Variants in CNBD1 observed in about 807,000 individuals in gnomAD.
CNBD1 encodes cyclic nucleotide binding domain containing 1.
Under a neutral mutation model 54.4 loss-of-function variants are expected in CNBD1, and 71 were observed. The observed-to-expected ratio is 1.30, with a 90% CI of 1.08 to 1.59. The LOEUF (loss-of-function observed/expected upper bound fraction) is 1.59. CNBD1 is among the 40% of genes most tolerant of loss of function. The pLI, the probability that CNBD1 is intolerant of heterozygous loss-of-function variation, is 0.00. For synonymous variants in CNBD1, 182 were observed against 170.7 expected (o/e 1.07, Z -0.51); for missense variants, 659 against 518.0 (o/e 1.27, Z -2.64).
intron 8 of CNBD1, among the ~76,000 whole-genome samples, chr8:87,340,968 T>G (rs1810052039): frequency 6.6e-6 from 1 of 152,130 alleles, no homozygotes; most frequent in South Asian, 2.1e-4. Context: ...TATAAATATG[T>G]GTTAGTATCT....
chr8:87,361,586 A>G (rs1248580631), intron 10 of CNBD1, among the ~76,000 whole-genome samples: 10 of 151,508 alleles, frequency 6.6e-5, no homozygotes, highest in Non-Finnish European at 1.2e-4. Context: ...TACTGGGAAA[A>G]TTTACTCCAG....
chr8:86,999,621 GGTT>G (rs1168282375), intron 4 of CNBD1, among the ~76,000 whole-genome samples: 3 of 151,784 alleles, frequency 2.0e-5, no homozygotes, highest in Non-Finnish European at 4.4e-5. Flanking sequence ...CCCTTCCCCC[GGTT>G]GAGATCCCAC....
At chr8:87,098,645 A>G (rs1438224791) in intron 4 of CNBD1, among the ~76,000 whole-genome samples, 3 of 152,056 alleles carry the variant, frequency 2.0e-5, no homozygotes, top group African/African-American at 2.4e-5. Context: ...CAGAAGCCAC[A>G]TAGAGTTTGA....
chr8:86,930,111 C>T (rs892573251), intron 3 of CNBD1, among the ~76,000 whole-genome samples: 3 of 152,170 alleles, frequency 2.0e-5, no homozygotes, highest in Non-Finnish European at 2.9e-5. Flanking sequence ...ATAGAGTGGC[C>T]TGGCCATCTC....
chr8:87,337,854 A>T (rs894802687), intron 8 of CNBD1, among the ~76,000 whole-genome samples: 1 of 152,164 alleles, frequency 6.6e-6, no homozygotes, highest in Non-Finnish European at 1.5e-5. Context: ...CAGGATTTGC[A>T]TGCTGCTTTG....
At chr8:87,289,440 A>G (rs1483031404) in intron 8 of CNBD1, among the ~76,000 whole-genome samples, 1 of 152,124 alleles carries the variant, frequency 6.6e-6, no homozygotes, top group African/African-American at 2.4e-5. Context: ...GATGTGGCCA[A>G]CTTGAAAGCG....
At chr8:87,037,855 A>G (rs1809982774) in intron 4 of CNBD1, among the ~76,000 whole-genome samples, 1 of 152,184 alleles carries the variant, frequency 6.6e-6, no homozygotes, top group South Asian at 2.1e-4. Flanking sequence ...TAAGAGTGAG[A>G]CAATAAAATG....
intron 6 of CNBD1, among the ~76,000 whole-genome samples, chr8:87,272,928 C>T (rs879811473): frequency 4.0e-5 from 6 of 151,820 alleles, no homozygotes; most frequent in Non-Finnish European, 7.4e-5. Flanking sequence ...TCTTCATGCT[C>T]GCTCTTCCAA....
chr8:86,950,101 C>A (rs1212148778), intron 4 of CNBD1, among the ~76,000 whole-genome samples: 1 of 128,476 alleles, frequency 7.8e-6, no homozygotes, highest in East Asian at 2.3e-4. Context: ...TCGCTCTGTC[C>A]CCCAGGCTGG....
At chr8:86,990,253 T>C (rs1193833934) in intron 4 of CNBD1, among the ~76,000 whole-genome samples, 1 of 152,196 alleles carries the variant, frequency 6.6e-6, no homozygotes, top group Non-Finnish European at 1.5e-5. Flanking sequence ...TTGTGGAATA[T>C]TACTTGAGAT....
chr8:87,332,090 G>C (rs111736380), intron 8 of CNBD1, among the ~76,000 whole-genome samples: 32 of 152,234 alleles, frequency 2.1e-4, no homozygotes, highest in African/African-American at 6.3e-4. Context: ...GCTCATACTT[G>C]TAATCCCAGC....
At chr8:86,896,193 C>T (rs1364591183) in intron 2 of CNBD1, among the ~76,000 whole-genome samples, 1 of 151,922 alleles carries the variant, frequency 6.6e-6, no homozygotes, top group Non-Finnish European at 1.5e-5. Flanking sequence ...ACGTTGGAGG[C>T]ATTCTATTTC....
At chr8:87,398,181 T>C (rs1206421223) in intron 2 of CNBD1, among the ~76,000 whole-genome samples, 1 of 151,602 alleles carries the variant, frequency 6.6e-6, no homozygotes, top group Non-Finnish European at 1.5e-5. Flanking sequence ...GGTTCTCATG[T>C]TATATTAATA....
At chr8:86,889,510 G>A (rs1444181515) in intron 2 of CNBD1, among the ~76,000 whole-genome samples, 1 of 152,044 alleles carries the variant, frequency 6.6e-6, no homozygotes, top group African/African-American at 2.4e-5. Context: ...AAATAGAAAG[G>A]CTGAGAATTA....
chr8:87,180,560 G>T (rs1205661644), intron 4 of CNBD1, among the ~76,000 whole-genome samples: 1 of 152,044 alleles, frequency 6.6e-6, no homozygotes, highest in Non-Finnish European at 1.5e-5. Flanking sequence ...AACTCCGGAG[G>T]TGGTGTGAGC....
intron 4 of CNBD1, among the ~76,000 whole-genome samples, chr8:87,160,514 G>A (rs914473759): frequency 6.6e-6 from 1 of 152,010 alleles, no homozygotes; most frequent in Non-Finnish European, 1.5e-5. Context: ...CTAAGCCCTT[G>A]CATTATCAAT....
chr8:87,420,329 C>A (rs1318043249), intron 2 of CNBD1, among the ~76,000 whole-genome samples: 1 of 152,010 alleles, frequency 6.6e-6, no homozygotes, highest in South Asian at 2.1e-4. Flanking sequence ...TCCTGTAGAT[C>A]GATTTGACAT....
rs186943051 is a variant in CNBD1, at chr8:87,059,613, G to A, written c.431+119859G>A. Among the ~76,000 whole-genome samples, 130 of 152,242 alleles carry A rather than the reference G, an allele frequency of 8.5e-4. 1 individual carries two copies. Among genetic ancestry groups the A allele is most frequent in the Admixed American group, 8.3e-3 (127 of 15,290 alleles). On this transcript the variant is annotated intron_variant, in intron 4 of 10. Transcript: ENST00000518476. ...AGAAGTGCAGAGTGAAGGAGGTTGG[G>A]GAAGCCCCTTATAAAACCATCAGAT...
At chr8:87,301,841 C>T (rs962395574) in intron 8 of CNBD1, among the ~76,000 whole-genome samples, 6 of 152,138 alleles carry the variant, frequency 3.9e-5, no homozygotes, top group Admixed American at 6.6e-5. Context: ...AAACTACCAT[C>T]AGAGAATAAT....
Sources: allele counts gnomAD v4.1 joint callset (sites outside exome capture counted in the v4.1 genomes callset), GRCh38; gene constraint gnomAD v4.1.1; transcripts MANE v1.5; gene names NCBI Gene and HGNC (gene_info 2026-07-23, HGNC 2026-07-21).